Variants in EXOC4 observed in about 807,000 individuals in gnomAD.
EXOC4 encodes the protein exocyst complex component 4, also known as SEC8-like 1.
EXOC4 carries 71 observed loss-of-function variants against 107.2 expected under a neutral mutation model. The observed-to-expected ratio is 0.66, with a 90% CI of 0.55 to 0.81. The LOEUF (loss-of-function observed/expected upper bound fraction) is 0.81, where lower values mean the gene tolerates loss of function less well. Ranked by LOEUF, EXOC4 falls within the 30% of genes least tolerant of loss-of-function variation. The pLI, the probability that EXOC4 is intolerant of heterozygous loss-of-function variation, is 0.00. For missense variants in EXOC4, 1,108 were observed against 1,189.6 expected (o/e 0.93, Z 1.01); for synonymous variants, 456 against 441.2 (o/e 1.03, Z -0.42).
intron 17 of EXOC4, among the ~76,000 whole-genome samples, chr7:134,034,712 T>A (rs186347840): frequency 6.6e-5 from 10 of 152,320 alleles, no homozygotes; most frequent in Admixed American, 6.5e-4. Flanking sequence ...CTTTATAAAT[T>A]ATTCAGCCTT....
intron 17 of EXOC4, among the ~76,000 whole-genome samples, chr7:134,043,843 GAGA>G (rs1181638375): frequency 6.6e-6 from 1 of 152,176 alleles, no homozygotes; most frequent in Non-Finnish European, 1.5e-5. Context: ...TCTCTGTGTA[GAGA>G]AGGACAGGCT....
At chr7:133,947,217 A>T (rs1430660718) in intron 14 of EXOC4, among the ~76,000 whole-genome samples, 1 of 152,228 alleles carries the variant, frequency 6.6e-6, no homozygotes, top group Non-Finnish European at 1.5e-5. Context: ...AGTGGGGCTC[A>T]CTATGGGGTT....
rs1365088283 is a variant in EXOC4 at position 133,802,942 on chromosome 7, T to C, written c.1515-14383T>C. Among the ~76,000 whole-genome samples the C allele has an allele frequency of 2.7e-5, 4 of 150,928 alleles. No individual in the cohort carries two copies. In the East Asian group the frequency reaches 7.7e-4, roughly 29 times the overall value. On this transcript the variant is annotated intron_variant, in intron 10 of 17. Coordinates refer to ENST00000253861, the MANE Select transcript of EXOC4 (RefSeq NM_021807.4). ...ATTATATTGCTTCCAAAACAAGATA[T>C]GCATGTGGGAAATGACAGAAAAAAA...
chr7:133,261,810 C>G (rs554550117), intron 1 of EXOC4, among the ~76,000 whole-genome samples: 1 of 152,256 alleles, frequency 6.6e-6, no homozygotes, highest in South Asian at 2.1e-4. Flanking sequence ...TTTTTTCACT[C>G]TGGCCTGGGG....
chr7:133,746,699 G>A (rs1795684423), intron 10 of EXOC4, among the ~76,000 whole-genome samples: 2 of 152,270 alleles, frequency 1.3e-5, no homozygotes, highest in Non-Finnish European at 1.5e-5. Flanking sequence ...CAGTGAAATA[G>A]GATTGTAACG....
chr7:134,003,395 G>T (rs1794573159), intron 15 of EXOC4, among the ~76,000 whole-genome samples: 1 of 152,182 alleles, frequency 6.6e-6, no homozygotes, highest in African/African-American at 2.4e-5. Flanking sequence ...GTACATGTTT[G>T]TTAAAACTAA....
chr7:134,007,750 A>G lies in EXOC4; in HGVS notation c.2602A>G (p.Lys868Glu), dbSNP rs1216830112. The change falls in exon 17 of 18, where the codon AAG becomes GAG. Residue 868 changes from lysine to glutamate, a missense_variant. Coordinates refer to ENST00000253861, the MANE Select transcript of EXOC4 (RefSeq NM_021807.4). ...YFRRISESGIKKMCRNIFVLQ... is the reference protein window; with the variant it reads ...YFRRISESGIEKMCRNIFVLQ... ...CAGGCGCATCAGTGAGTCTGGCATC[A>G]AGAAAATGTGTAGGAACATTTTTGT... 1.2e-6 allele frequency: 2 copies of G among 1,613,540 alleles called. No individual in the cohort carries two copies. Among genetic ancestry groups the G allele is most frequent in the Non-Finnish European group, 1.7e-6 (2 of 1,179,776 alleles).
At chr7:133,759,293 T>C (rs1795985740) in intron 10 of EXOC4, among the ~76,000 whole-genome samples, 1 of 152,194 alleles carries the variant, frequency 6.6e-6, no homozygotes, top group Non-Finnish European at 1.5e-5. Context: ...AGAATCCTTT[T>C]TCTCATGGAA....
the EXOC4 span, among the ~76,000 whole-genome samples, chr7:134,100,095 T>C: frequency 7.0e-4 from 107 of 152,288 alleles, 1 homozygote; most frequent in Middle Eastern, 3.4e-3. Flanking sequence ...AAAAAAAATA[T>C]GCATTTTTCT....
chr7:134,022,971 C>T (rs1795060798), intron 17 of EXOC4, among the ~76,000 whole-genome samples: 1 of 152,138 alleles, frequency 6.6e-6, no homozygotes, highest in Admixed American at 6.5e-5. Context: ...TTTCCCATAC[C>T]AAGCTGCCCC....
chr7:133,556,879 CT>C (rs1800701171), intron 9 of EXOC4, among the ~76,000 whole-genome samples: 1 of 152,164 alleles, frequency 6.6e-6, no homozygotes, highest in Non-Finnish European at 1.5e-5. Flanking sequence ...GCAAGGAGAC[CT>C]TCCTGATACC....
At chr7:133,343,391 A>G (rs1795710293) in intron 5 of EXOC4, among the ~76,000 whole-genome samples, 5 of 152,040 alleles carry the variant, frequency 3.3e-5, no homozygotes, top group Admixed American at 3.3e-4. Flanking sequence ...CAGGTCTCTC[A>G]GCTGGTCTCT....
At chr7:133,334,453 T>C (rs1339427598) in intron 5 of EXOC4, among the ~76,000 whole-genome samples, 2 of 152,238 alleles carry the variant, frequency 1.3e-5, no homozygotes, top group Non-Finnish European at 2.9e-5. Flanking sequence ...GAAATCATTC[T>C]GTATTAGTTC....
intron 10 of EXOC4, among the ~76,000 whole-genome samples, chr7:133,654,797 G>T (rs932597059): frequency 6.6e-6 from 1 of 152,258 alleles, no homozygotes; most frequent in Admixed American, 6.5e-5. Context: ...ACACGCCTAG[G>T]CTGTATGGTA....
chr7:133,840,723 C>T (rs896820227), intron 11 of EXOC4, among the ~76,000 whole-genome samples: 3 of 152,026 alleles, frequency 2.0e-5, no homozygotes, highest in Non-Finnish European at 4.4e-5. Flanking sequence ...CCTCGCGATC[C>T]ACCTGCCTCA....
chr7:133,779,977 A>G (rs1796428819), intron 10 of EXOC4, among the ~76,000 whole-genome samples: 1 of 152,156 alleles, frequency 6.6e-6, no homozygotes, highest in African/African-American at 2.4e-5. Context: ...TGGCAGCTCC[A>G]TTCTTTAAGT....
At chr7:133,969,990 T>C (rs2116869649) in intron 14 of EXOC4, among the ~76,000 whole-genome samples, 1 of 152,288 alleles carries the variant, frequency 6.6e-6, no homozygotes, top group East Asian at 1.9e-4. Flanking sequence ...ATGGGAGTTT[T>C]ATCCATAAGC....
At chr7:133,491,171 G>A (rs1367277154) in intron 9 of EXOC4, among the ~76,000 whole-genome samples, 2 of 152,140 alleles carry the variant, frequency 1.3e-5, no homozygotes, top group Non-Finnish European at 1.5e-5. Flanking sequence ...AACTGGAAAA[G>A]CCCATATTAC....
chr7:133,477,393 A>T (rs181812966), intron 8 of EXOC4, among the ~76,000 whole-genome samples: 11 of 152,164 alleles, frequency 7.2e-5, no homozygotes, highest in Non-Finnish European at 1.6e-4. Flanking sequence ...AGAATGTTGT[A>T]TAGTCAGAAT....
Sources: allele counts gnomAD v4.1 joint callset (sites outside exome capture counted in the v4.1 genomes callset), GRCh38; gene constraint gnomAD v4.1.1; transcripts MANE v1.5; gene names NCBI Gene and HGNC (gene_info 2026-07-23, HGNC 2026-07-21).